UBQLN4: variants seen among roughly 807,000 people sequenced by gnomAD.
UBQLN4 encodes ubiquilin-4.
UBQLN4 carries 11 observed loss-of-function variants against 60.4 expected under a neutral mutation model. The observed-to-expected ratio is 0.18, with a 90% CI of 0.11 to 0.30. The LOEUF (loss-of-function observed/expected upper bound fraction) is 0.30, where lower values mean the gene tolerates loss of function less well. Among genes scored for constraint, UBQLN4 ranks in the 10% least tolerant of loss-of-function variants. UBQLN4 has a pLI of 1.00. For synonymous variants in UBQLN4, 258 were observed against 313.1 expected (o/e 0.82, Z 1.86); for missense variants, 417 against 795.5 (o/e 0.52, Z 5.72).
chr1:156,031,737 CCTGG>C (rs1185351428), downstream of UBQLN4, among the ~76,000 whole-genome samples: 1 of 151,984 alleles, frequency 6.6e-6, no homozygotes, highest in African/African-American at 2.4e-5. Flanking sequence ...TGCCACCAGG[CCTGG>C]CTAATTTTTT....
chr1:156,031,966 A>G (rs1005005609), downstream of UBQLN4, among the ~76,000 whole-genome samples: 2 of 85,634 alleles, frequency 2.3e-5, no homozygotes, highest in Non-Finnish European at 4.4e-5. Context: ...AAGATAATAA[A>G]CGTATCCATC....
At position 156,036,405 on chromosome 1, in the gene UBQLN4, C is replaced by G; in HGVS notation, c.*573G>C. 2.0e-6 allele frequency: 2 copies of G among 985,746 alleles called. No homozygotes were observed. The highest frequency in any genetic ancestry group is 2.4e-6 in the Non-Finnish European group (2 of 830,094). 61.1% of individuals were successfully genotyped at this position (985,746 alleles called of 1,614,324 possible). A position where few individuals can be genotyped will look rare whatever the true frequency, so the allele number is the denominator to read the frequency against. The stretch of plus-strand genomic sequence containing the variant: ...GAGAACAGGCATCTTCCTCCTTACC[C>G]TGGAATTTCCAACAGTTCCCACCAA... On this transcript the variant is annotated 3_prime_UTR_variant, in exon 11 of 11. Transcript: ENST00000368309.
At chr1:156,031,373 C>T (rs936991185), downstream of UBQLN4, among the ~76,000 whole-genome samples, 1 of 152,100 alleles carries the variant, frequency 6.6e-6, no homozygotes, top group African/African-American at 2.4e-5. Context: ...TTCAGATGAA[C>T]AAACTCAGGC....
At position 156,036,871 on chromosome 1, in the gene UBQLN4, T is replaced by C; in HGVS notation, c.*107A>G. The C allele has an allele frequency of 1.3e-6, 2 of 1,533,330 alleles. No homozygotes were observed. Among genetic ancestry groups the C allele is most frequent in the Non-Finnish European group, 1.8e-6 (2 of 1,142,284 alleles). The allele number at this position is 1,533,330 out of a possible 1,614,324, so 95.0% of individuals were successfully genotyped here. On this transcript the variant is annotated 3_prime_UTR_variant, in exon 11 of 11. Coordinates refer to ENST00000368309, the MANE Select transcript of UBQLN4 (RefSeq NM_020131.5). Reference sequence around the variant, plus strand: ...AAGTCACCCTGCTGTTTGGAAAGGATGAGGGAGAAGACGGAAGGGAGGACA... The same window carrying C: ...AAGTCACCCTGCTGTTTGGAAAGGACGAGGGAGAAGACGGAAGGGAGGACA...
Position 156,048,709 on chromosome 1 carries a change from A to G in UBQLN4, c.742-50T>C. 1 of 1,588,036 alleles carries G rather than the reference A, an allele frequency of 6.3e-7. No homozygotes were observed. The highest frequency in any genetic ancestry group is 8.6e-7 in the Non-Finnish European group (1 of 1,160,578). On this transcript the variant is annotated intron_variant, in intron 4 of 10. Transcript: ENST00000368309. This position sits in a 1 kb window ranked among gnomAD's most constrained non-coding sequence, Gnocchi z 4.9. ...GGGCCCCGGAACCAGGGGAGCACCA[A>G]CCTAGGAAAAGGGTGGGCCTTGAGG...
At chr1:156,037,207 C>T (rs1683426924) in intron 10 of UBQLN4, 77 bp from the exon 11 acceptor site, 2 of 1,541,864 alleles carry the variant, frequency 1.3e-6, no homozygotes, top group Non-Finnish European at 8.8e-7. Context: ...TTTCTAAGAC[C>T]AGCAGGTCTT....
chr1:156,031,575 TTC>T, downstream of UBQLN4, among the ~76,000 whole-genome samples: 1 of 135,002 alleles, frequency 7.4e-6, no homozygotes, highest in Non-Finnish European at 1.6e-5. Context: ...TAGGAACTTC[TTC>T]TTTTTTTTTT....
intron 7 of UBQLN4, 159 bp from the exon 8 acceptor site, chr1:156,042,395 A>G: frequency 7.0e-7 from 1 of 1,425,278 alleles, no homozygotes; most frequent in Non-Finnish European, 9.2e-7. Flanking sequence ...GGACAGTGAG[A>G]GGAAATGGAA....
At position 156,036,905 on chromosome 1, in the gene UBQLN4, A is replaced by C. The variant is rs1415493632; in HGVS notation, c.*73T>G. The C allele has an allele frequency of 1.3e-6, 2 of 1,559,528 alleles. No individual in the cohort carries two copies. The highest frequency in any genetic ancestry group is 1.4e-5 in the African/African-American group (1 of 73,232). On this transcript the variant is annotated 3_prime_UTR_variant, in exon 11 of 11. Coordinates refer to ENST00000368309, the MANE Select transcript of UBQLN4 (RefSeq NM_020131.5). ...AGACGGAAGGGAGGACAAGCTGCAG[A>C]GGGTAAGGATTGACAGAAGAACCGA... is the stretch of plus-strand genomic sequence containing the variant.
At chr1:156,038,732 G>C (rs1295905633) in intron 10 of UBQLN4, among the ~76,000 whole-genome samples, 1 of 151,906 alleles carries the variant, frequency 6.6e-6, no homozygotes, top group Admixed American at 6.6e-5. Flanking sequence ...TGTTGCCCAG[G>C]CTGGTCTCAA....
downstream of UBQLN4, among the ~76,000 whole-genome samples, chr1:156,034,296 CTT>C (rs59303673): frequency 2.3e-4 from 28 of 123,342 alleles, no homozygotes; most frequent in South Asian, 7.3e-4. Context: ...TTTTGTTTTA[CTT>C]TTTTTTTTTT....
Position 156,036,724 on chromosome 1 carries a change from A to G in UBQLN4, c.*254T>C. On this transcript the variant is annotated 3_prime_UTR_variant, in exon 11 of 11. Transcript: ENST00000368309. ...GGCAAGGAGGTAGAGTCAATCAATG[A>G]AACTGTGAAAACTGTTTAAGTAGCA... The G allele has an allele frequency of 1.9e-5, 23 of 1,238,150 alleles. No individual in the cohort carries two copies. Among genetic ancestry groups the G allele is most frequent in the Non-Finnish European group, 2.3e-5 (23 of 986,922 alleles). The allele number at this position is 1,238,150 out of a possible 1,614,324, so 76.7% of individuals were successfully genotyped here. A position where few individuals can be genotyped will look rare whatever the true frequency, so the allele number is the denominator to read the frequency against.
At chr1:156,045,884 T>C (rs1683685873) in intron 5 of UBQLN4, among the ~76,000 whole-genome samples, 1 of 152,120 alleles carries the variant, frequency 6.6e-6, no homozygotes, top group Non-Finnish European at 1.5e-5. Context: ...CTCGTTTTGC[T>C]GCCCAGGTTG....
In UBQLN4 at chr1:156,044,062, C is replaced by G; in HGVS notation, c.1062G>C (p.Gly354=). 1 of 1,602,610 alleles carries G rather than the reference C, an allele frequency of 6.2e-7. No individual in the cohort carries two copies. Among genetic ancestry groups the G allele is most frequent in the Non-Finnish European group, 8.5e-7 (1 of 1,174,162 alleles). The change falls in exon 6 of 11, where the codon GGG becomes GGC. Residue 354 remains glycine, a synonymous_variant. Coordinates refer to ENST00000368309, the MANE Select transcript of UBQLN4 (RefSeq NM_020131.5). ...AGACTGTCGGGTGCACCTGGCTGGT[C>G]CCCGATCCTCCGGTGCCCTCCCCAC... The part of the protein sequence containing the change: ...GSGGEGTGGS[G]TSQVHPTVSN...
rs1683420262 is a variant in UBQLN4, at chr1:156,037,008, G to A, written c.1776C>T (p.Ile592=). 6.8e-6 allele frequency: 11 copies of A among 1,614,162 alleles called. No individual in the cohort carries two copies. Among genetic ancestry groups the A allele is most frequent in the Non-Finnish European group, 9.3e-6 (11 of 1,180,022 alleles). The part of the protein sequence containing the change: ...IATGGDINAA[I]ERLLGSQLS ...AGAGCTGGGAGCCCAGCAGTCTCTC[G>A]ATAGCTGCGTTGATGTCCCCTCCTG... Residue 592 remains isoleucine (I), a synonymous_variant, in exon 11 of 11, where the codon ATC becomes ATT. Coordinates refer to ENST00000368309, the MANE Select transcript of UBQLN4 (RefSeq NM_020131.5).
chr1:156,032,742 G>A (rs1431538879), downstream of UBQLN4, among the ~76,000 whole-genome samples: 1 of 152,088 alleles, frequency 6.6e-6, no homozygotes, highest in Non-Finnish European at 1.5e-5. Flanking sequence ...TCGCCTCTCC[G>A]CCAACGACAG....
At chr1:156,031,303 T>C, downstream of UBQLN4, among the ~76,000 whole-genome samples, 1 of 152,232 alleles carries the variant, frequency 6.6e-6, no homozygotes, top group Non-Finnish European at 1.5e-5. Flanking sequence ...TGTAAGAATT[T>C]ACATCTCATT....
chr1:156,037,200 C>A lies in UBQLN4; in HGVS notation c.1654-70G>T. On this transcript the variant is annotated intron_variant, in intron 10 of 10. Transcript: ENST00000368309. ...GGGGCCCTATTTGAATTAAGGGTTT[C>A]TAAGACCAGCAGGTCTTCTCTAATA... 1.9e-6 allele frequency: 3 copies of A among 1,559,944 alleles called. No homozygotes were observed. In the South Asian group the frequency reaches 3.6e-5, roughly 19 times the overall value.
intron 6 of UBQLN4, 91 bp from the exon 7 acceptor site, chr1:156,043,004 G>A (rs1012573042): frequency 2.3e-5 from 34 of 1,486,818 alleles, no homozygotes; most frequent in African/African-American, 4.2e-5. Context: ...TTCAGACACC[G>A]AATGACTACA....
Sources: gnomAD v4.1 joint callset for allele counts (sites outside exome capture counted in the v4.1 genomes callset) on GRCh38, gnomAD v4.1.1 for gene constraint, Gnocchi (gnomAD v3.1) non-coding constraint, MANE v1.5 for transcripts, NCBI Gene and HGNC (gene_info 2026-07-23, HGNC 2026-07-21) for gene names.